Variants in SMCHD1 observed in about 807,000 individuals in gnomAD.
The protein encoded by SMCHD1 is structural maintenance of chromosomes flexible hinge domain containing 1, also known as structural maintenance of chromosomes flexible hinge domain-containing protein 1.
Under a neutral mutation model 254.7 loss-of-function variants are expected in SMCHD1, and 78 were observed. That is an observed-to-expected ratio of 0.31 (90% CI 0.26 to 0.37). The LOEUF is 0.37. Among genes scored for constraint, SMCHD1 ranks in the 10% least tolerant of loss-of-function variants. The pLI, the probability that SMCHD1 is intolerant of heterozygous loss-of-function variation, is 1.00. For synonymous variants in SMCHD1, 766 were observed against 794.9 expected (o/e 0.96, Z 0.61); for missense variants, 1,840 against 2,408.1 (o/e 0.76, Z 4.94).
intron 14 of SMCHD1, 95 bp downstream of exon 14, chr18:2,705,902 C>A: frequency 1.5e-6 from 1 of 659,780 alleles, no homozygotes; most frequent in Non-Finnish European, 2.5e-6. Flanking sequence ...GACTAGTTTT[C>A]CATTGGATAA....
At position 2,697,121 on chromosome 18, in the gene SMCHD1, A is replaced by G; in HGVS notation, c.1130A>G (p.Glu377Gly). 7.4e-7 allele frequency: 1 copy of G among 1,359,598 alleles called. No homozygotes were observed. Among genetic ancestry groups the G allele is most frequent in the South Asian group, 1.4e-5 (1 of 70,422 alleles). 84.2% of individuals were successfully genotyped at this position (1,359,598 alleles called of 1,614,324 possible). A position where few individuals can be genotyped will look rare whatever the true frequency, so the allele number is the denominator to read the frequency against. ...EVEPFNNIDIEISMFEKGKVP... is the reference protein window; with the variant it reads ...EVEPFNNIDIGISMFEKGKVP... ...GAACCTTTCAACAATATTGATATTG[A>G]AGTAAGAGAAAAATCCATCTTAAAA... Residue 377 changes from glutamate (E) to glycine (G), a missense_variant and splice_region_variant, in exon 9 of 48, where the codon GAA becomes GGA. By Grantham distance (98) the Glu-to-Gly change is moderately conservative. Coordinates refer to ENST00000320876, the MANE Select transcript of SMCHD1 (RefSeq NM_015295.3).
chr18:2,760,871 GAAGTA>G (rs2075772215), intron 35 of SMCHD1, 132 bp downstream of exon 35: 5 of 524,364 alleles, frequency 9.5e-6, no homozygotes, highest in African/African-American at 3.9e-5. Context: ...GTTTAAAAGT[GAAGTA>G]ATTATTGGAT....
chr18:2,713,311 CT>C (rs2074721637), intron 17 of SMCHD1, among the ~76,000 whole-genome samples: 1 of 152,064 alleles, frequency 6.6e-6, no homozygotes, highest in Non-Finnish European at 1.5e-5. Flanking sequence ...TTGCTTGGGT[CT>C]TTTTAGAGAA....
In SMCHD1 at chr18:2,750,793, A is replaced by G. The variant is rs300294; in HGVS notation, c.4165+286A>G. Among the ~76,000 whole-genome samples, 65,949 of 151,912 alleles carry G rather than the reference A, an allele frequency of 0.43. 14,660 individuals are homozygous for G. The highest frequency in any genetic ancestry group is 0.47 in the African/African-American group (19,629 of 41,458). Reference sequence around the variant, plus strand: ...AGTTTAGATTTAAAAATTGTTGACAATAATTTTTAATAATCAAGTTACATG... The same window carrying G: ...AGTTTAGATTTAAAAATTGTTGACAGTAATTTTTAATAATCAAGTTACATG... On this transcript the variant is annotated intron_variant, in intron 32 of 47. Transcript: ENST00000320876.
intron 1 of SMCHD1, among the ~76,000 whole-genome samples, chr18:2,661,867 TAAAG>T (rs1003563432): frequency 2.0e-4 from 31 of 151,954 alleles, no homozygotes; most frequent in Non-Finnish European, 2.6e-4. Context: ...CTGTAAAAAA[TAAAG>T]AAAGGCCGGG....
rs1028216368 is a variant in SMCHD1 at position 2,787,857 on chromosome 18, G to C, written c.5719+3236G>C. ...TGCATGACTACTTTAAGCCAAACAG[G>C]AATCTATTGGAAGGAAACTGGAAGA... On this transcript the variant is annotated intron_variant, in intron 45 of 47. Coordinates refer to ENST00000320876, the MANE Select transcript of SMCHD1 (RefSeq NM_015295.3). Among the ~76,000 whole-genome samples, 8 of 152,278 alleles carry C rather than the reference G, an allele frequency of 5.3e-5. No homozygotes were observed. In the South Asian group the frequency reaches 6.2e-4, roughly 12 times the overall value.
At chr18:2,711,731 C>T (rs1178258494) in intron 17 of SMCHD1, among the ~76,000 whole-genome samples, 3 of 152,046 alleles carry the variant, frequency 2.0e-5, no homozygotes, top group African/African-American at 7.2e-5. Context: ...ATCCGCCCGC[C>T]TCGGCCTCCC....
chr18:2,740,835 C>T lies in SMCHD1; in HGVS notation c.3633+14C>T, dbSNP rs1463415829. On this transcript the variant is annotated intron_variant, in intron 28 of 47. Coordinates refer to ENST00000320876, the MANE Select transcript of SMCHD1 (RefSeq NM_015295.3). ...ACAACCTTTCAGGTATGGCTACTTT[C>T]TATACCATTTTGGTTTGATTTATTC... 1 of 1,487,782 alleles carries T rather than the reference C, an allele frequency of 6.7e-7. No homozygotes were observed. The highest frequency in any genetic ancestry group is 9.3e-7 in the Non-Finnish European group (1 of 1,073,494). 92.2% of individuals were successfully genotyped at this position (1,487,782 alleles called of 1,614,324 possible).
At position 2,701,057 on chromosome 18, in the gene SMCHD1, G is replaced by A. The variant is rs959480522; in HGVS notation, c.1647+139G>A. The A allele has an allele frequency of 6.9e-6, 4 of 576,306 alleles. No homozygotes were observed. The African/African-American group carries it at 7.6e-5, about 11-fold the overall frequency. 35.7% of individuals were successfully genotyped at this position (576,306 alleles called of 1,614,324 possible). A position where few individuals can be genotyped will look rare whatever the true frequency, so the allele number is the denominator to read the frequency against. ...TATAAATTTTTTTATGAGCAGTCAA[G>A]TGTTCACATTACTAAAAAATTTAAA... On this transcript the variant is annotated intron_variant, in intron 12 of 47. Transcript: ENST00000320876.
In SMCHD1 at chr18:2,729,386, C is replaced by T; in HGVS notation, c.3025C>T (p.Leu1009Phe). 1 of 1,534,514 alleles carries T rather than the reference C, an allele frequency of 6.5e-7. No individual in the cohort carries two copies. The highest frequency in any genetic ancestry group is 2.4e-5 in the East Asian group (1 of 41,564). ...QVQNIKKDQT[L>F]KARIEIPSCK... ...TCAGAATATTAAAAAAGACCAGACG[C>T]TTAAAGCAAGAATTGAAATACCTGT... The change falls in exon 24 of 48, where the codon CTT becomes TTT. Residue 1009 changes from leucine to phenylalanine, a missense_variant. Transcript: ENST00000320876.
intron 39 of SMCHD1, among the ~76,000 whole-genome samples, chr18:2,770,856 A>C: frequency 6.6e-6 from 1 of 152,050 alleles, no homozygotes; most frequent in Non-Finnish European, 1.5e-5. Context: ...TCTTACCTCA[A>C]GTGATCTGCC....
chr18:2,754,074 C>G lies in SMCHD1; in HGVS notation c.4346+1522C>G, dbSNP rs536818816. 5.3e-5 allele frequency among the ~76,000 whole-genome samples: 8 copies of G among 152,198 alleles called. No homozygotes were observed. In the East Asian group the frequency reaches 1.5e-3, roughly 29 times the overall value. On this transcript the variant is annotated intron_variant, in intron 34 of 47. Transcript: ENST00000320876. ...AGGAGTTCTTTATATATTAGAGATA[C>G]AAGCCTTTTGTTTAGACATCTTTGC...
chr18:2,736,185 C>T (rs1485395155), intron 25 of SMCHD1, among the ~76,000 whole-genome samples: 4 of 152,032 alleles, frequency 2.6e-5, no homozygotes, highest in Admixed American at 6.6e-5. Context: ...TAAATGGTGC[C>T]GGGATAACTG....
chr18:2,678,241 T>TTC (rs1488586698), intron 5 of SMCHD1, among the ~76,000 whole-genome samples: 70 of 57,320 alleles, frequency 1.2e-3, no homozygotes, highest in Non-Finnish European at 3.3e-3. Context: ...CTTTCTTTCT[T>TTC]TCGTTCTTTC....
chr18:2,701,155 G>GTTTT (rs200431551), intron 12 of SMCHD1: 16 of 228,102 alleles, frequency 7.0e-5, no homozygotes, highest in Middle Eastern at 1.3e-3. Flanking sequence ...ATCTTCATTA[G>GTTTT]TTTTTTTTGT....
At chr18:2,796,661 A>C in intron 47 of SMCHD1, 140 bp downstream of exon 47, 1 of 616,566 alleles carries the variant, frequency 1.6e-6, no homozygotes, top group Non-Finnish European at 2.8e-6. Context: ...GCTCAGTGCA[A>C]CCTCTGCCTT....
chr18:2,771,710 T>C, intron 40 of SMCHD1, 92 bp downstream of exon 40: 1 of 1,047,546 alleles, frequency 9.5e-7, no homozygotes, highest in Non-Finnish European at 1.3e-6. Context: ...ATTCTGAGTA[T>C]TGTTGTTTTA....
At chr18:2,656,423 G>T (rs556532142) in intron 1 of SMCHD1, among the ~76,000 whole-genome samples, 162 bp downstream of exon 1, 1 of 152,282 alleles carries the variant, frequency 6.6e-6, no homozygotes, top group African/African-American at 2.4e-5. Flanking sequence ...TGACCTGGTG[G>T]CCGGACGCCT....
At chr18:2,775,583 T>C (rs2076053778) in intron 41 of SMCHD1, 151 bp from the exon 42 acceptor site, 1 of 545,882 alleles carries the variant, frequency 1.8e-6, no homozygotes, top group African/African-American at 2.0e-5. Context: ...ATGTTTAATA[T>C]ATTCAAGTTA....
Sources: allele counts gnomAD v4.1 joint callset (sites outside exome capture counted in the v4.1 genomes callset), GRCh38; gene constraint gnomAD v4.1.1; transcripts MANE v1.5; gene names NCBI Gene and HGNC (gene_info 2026-07-23, HGNC 2026-07-21).